The following TCF12 variants were observed in gnomAD, a reference collection of about 807,000 sequenced individuals.
TCF12 encodes DNA-binding protein HTF4.
A neutral mutation model predicts 86.0 loss-of-function variants in TCF12; 45 were observed. The ratio of observed to expected loss-of-function variants is 0.52; its 90% confidence interval spans 0.41 to 0.67. The LOEUF is 0.67. Ranked by LOEUF, TCF12 falls within the 30% of genes least tolerant of loss-of-function variation. The pLI, the probability that TCF12 is intolerant of heterozygous loss-of-function variation, is 0.00. For synonymous variants in TCF12, 330 were observed against 299.6 expected (o/e 1.10, Z -1.05); for missense variants, 881 against 859.9 (o/e 1.02, Z -0.31).
At chr15:57,065,285 C>T (rs1477484103) in intron 4 of TCF12, among the ~76,000 whole-genome samples, 1 of 152,138 alleles carries the variant, frequency 6.6e-6, no homozygotes, top group East Asian at 1.9e-4. Context: ...GTGAACCAGC[C>T]ATTTAATCTT....
Position 56,974,492 on chromosome 15 carries a change from A to T in TCF12, c.148+53394A>T, listed in dbSNP as rs2062502280. ...TTTTAAAAATAAAAAGATACTTTAC[A>T]GAAGGTTTAATGAAACTGCATATGT... On this transcript the variant is annotated intron_variant, in intron 3 of 20. Transcript: ENST00000333725. Among the ~76,000 whole-genome samples, 3 of 152,232 alleles carry T rather than the reference A, an allele frequency of 2.0e-5. No individual in the cohort carries two copies. The South Asian group carries it at 6.2e-4, about 32-fold the overall frequency.
intron 5 of TCF12, among the ~76,000 whole-genome samples, chr15:57,100,211 G>A (rs1453235277): frequency 6.6e-6 from 1 of 152,188 alleles, no homozygotes; most frequent in Admixed American, 6.5e-5. Context: ...GTGGATGACA[G>A]GGGCCGTGGC....
intron 12 of TCF12, among the ~76,000 whole-genome samples, chr15:57,238,807 A>G (rs1222118994): frequency 6.6e-6 from 1 of 152,218 alleles, no homozygotes; most frequent in African/African-American, 2.4e-5. Flanking sequence ...GTAGTCAAGG[A>G]GAGAAGACAG....
rs568826887 is a variant in TCF12 at position 57,061,436 on chromosome 15, T to TA, written c.149-2303dup. On this transcript the variant is annotated intron_variant, in intron 3 of 20. Transcript: ENST00000333725. ...AGTGTAAGACTCTGTCTCTACAAAA[T>TA]AAAAAAAAAAATTAATGATTAGCTG... Among the ~76,000 whole-genome samples, 717 of 147,670 alleles carry TA rather than the reference T, an allele frequency of 4.9e-3. 7 individuals are homozygous for TA. The highest frequency in any genetic ancestry group is 0.025 in the Admixed American group (364 of 14,830).
At chr15:57,104,874 T>G (rs571649421) in intron 5 of TCF12, among the ~76,000 whole-genome samples, 10 of 136,578 alleles carry the variant, frequency 7.3e-5, no homozygotes, top group African/African-American at 1.7e-4. Flanking sequence ...TTTTTTTTTT[T>G]TTTTTTTTTT....
intron 19 of TCF12, among the ~76,000 whole-genome samples, chr15:57,276,050 C>G (rs1434506634): frequency 6.6e-6 from 1 of 152,248 alleles, no homozygotes; most frequent in Non-Finnish European, 1.5e-5. Flanking sequence ...AGTTTGTACT[C>G]TCAGCGTTAC....
chr15:57,011,558 C>G (rs1472209718), intron 3 of TCF12, among the ~76,000 whole-genome samples: 1 of 152,144 alleles, frequency 6.6e-6, no homozygotes, highest in Non-Finnish European at 1.5e-5. Flanking sequence ...AATAAAAAAA[C>G]TGTGTTTTAC....
At chr15:57,219,508 T>G in intron 8 of TCF12, 2 of 1,609,930 alleles carry the variant, frequency 1.2e-6, no homozygotes, top group Non-Finnish European at 1.7e-6. Flanking sequence ...AATAGTAACA[T>G]TTTCAAAATC....
intron 3 of TCF12, among the ~76,000 whole-genome samples, chr15:56,957,200 G>A (rs1375806425): frequency 3.3e-5 from 5 of 152,138 alleles, no homozygotes; most frequent in Non-Finnish European, 7.3e-5. Context: ...ATTTCTTGTC[G>A]TTATGAATTA....
In TCF12 at chr15:57,072,079, C is replaced by A. The variant is rs535435244; in HGVS notation, c.222+8256C>A. ...CTTACTGTGGTATGAAGAATGGATCCAAGGTGAAAGAGTGACAAAAAATAG... is the reference window on the plus strand; with the variant it reads ...CTTACTGTGGTATGAAGAATGGATCAAAGGTGAAAGAGTGACAAAAAATAG... On this transcript the variant is annotated intron_variant, in intron 4 of 20. Transcript: ENST00000333725. Among the ~76,000 whole-genome samples, 3 of 152,074 alleles carry A rather than the reference C, an allele frequency of 2.0e-5. No homozygotes were observed. In the South Asian group the frequency reaches 6.2e-4, roughly 32 times the overall value.
Position 56,966,617 on chromosome 15 carries a change from G to A in TCF12, c.148+45519G>A, listed in dbSNP as rs184558991. 3.5e-3 allele frequency among the ~76,000 whole-genome samples: 540 copies of A among 152,252 alleles called. 4 individuals are homozygous for A. The highest frequency in any genetic ancestry group is 0.012 in the African/African-American group (514 of 41,532). On this transcript the variant is annotated intron_variant, in intron 3 of 20. Transcript: ENST00000333725. Reference sequence around the variant, plus strand: ...GATTGATTGCAGTCACTTGATGTCCGACTACCAGATACACGGACTGTTGTT... The same window carrying A: ...GATTGATTGCAGTCACTTGATGTCCAACTACCAGATACACGGACTGTTGTT...
chr15:57,143,350 G>A (rs919611696), intron 5 of TCF12, among the ~76,000 whole-genome samples: 2 of 152,096 alleles, frequency 1.3e-5, no homozygotes, highest in African/African-American at 2.4e-5. Context: ...CATACACACC[G>A]AAGTATTTTG....
intron 3 of TCF12, among the ~76,000 whole-genome samples, chr15:56,932,893 A>T (rs1386483288): frequency 1.3e-5 from 2 of 152,208 alleles, no homozygotes; most frequent in Non-Finnish European, 2.9e-5. Context: ...AAAAGCCTCC[A>T]TAAAATAGTT....
chr15:57,065,387 C>T (rs1372837688), intron 4 of TCF12, among the ~76,000 whole-genome samples: 1 of 152,198 alleles, frequency 6.6e-6, no homozygotes, highest in Non-Finnish European at 1.5e-5. Flanking sequence ...AATTTCCTTC[C>T]ACTCTTAAAC....
intron 5 of TCF12, among the ~76,000 whole-genome samples, chr15:57,116,200 C>G (rs1432822390): frequency 1.3e-5 from 2 of 152,172 alleles, no homozygotes; most frequent in African/African-American, 4.8e-5. Context: ...CTGTTTTTAA[C>G]TATCATGTGT....
At chr15:57,101,914 C>A (rs753951988) in intron 5 of TCF12, among the ~76,000 whole-genome samples, 9 of 152,174 alleles carry the variant, frequency 5.9e-5, no homozygotes, top group Non-Finnish European at 1.3e-4. Context: ...CTCTTACATA[C>A]TTTTCCACAC....
intron 3 of TCF12, among the ~76,000 whole-genome samples, chr15:56,931,235 A>G (rs188108711): frequency 7.2e-4 from 109 of 152,240 alleles, no homozygotes; most frequent in African/African-American, 2.5e-3. Context: ...TTTCAGGCTG[A>G]GTTTTATTCT....
rs1279983887 is a variant in TCF12, at chr15:57,219,240, G to A, written c.580-11912G>A. ...TTTATTCAGGGCATATTTATTTAGCGCTTAAAAGTGACTTGCATTTTTTTA... is the reference window on the plus strand; with the variant it reads ...TTTATTCAGGGCATATTTATTTAGCACTTAAAAGTGACTTGCATTTTTTTA... On this transcript the variant is annotated intron_variant, in intron 8 of 20. Coordinates refer to ENST00000333725, the MANE Select transcript of TCF12 (RefSeq NM_207037.2). 5.3e-6 allele frequency: 6 copies of A among 1,139,514 alleles called. No homozygotes were observed. The Admixed American group carries it at 1.8e-4, about 34-fold the overall frequency. The allele number at this position is 1,139,514 out of a possible 1,614,324, so 70.6% of individuals were successfully genotyped here.
At chr15:57,267,218 A>G (rs1482629214) in intron 18 of TCF12, among the ~76,000 whole-genome samples, 2 of 152,214 alleles carry the variant, frequency 1.3e-5, no homozygotes, top group Admixed American at 1.3e-4. Context: ...AAGAAGCAGA[A>G]TGTTCCTTTC....
Sources: gnomAD v4.1 joint callset for allele counts (sites outside exome capture counted in the v4.1 genomes callset) on GRCh38, gnomAD v4.1.1 for gene constraint, MANE v1.5 for transcripts, NCBI Gene and HGNC (gene_info 2026-07-23, HGNC 2026-07-21) for gene names.